PIK3C2G: variants seen among roughly 807,000 people sequenced by gnomAD.
PIK3C2G encodes phosphatidylinositol 3-kinase C2 domain-containing subunit gamma.
PIK3C2G carries 168 observed loss-of-function variants against 181.1 expected under a neutral mutation model. The ratio of observed to expected loss-of-function variants is 0.93; its 90% CI spans 0.82 to 1.05. The LOEUF is 1.05. Ranked by LOEUF, PIK3C2G falls within the 50% of genes least tolerant of loss-of-function variation. The pLI is 0.00. For synonymous variants in PIK3C2G, 573 were observed against 592.2 expected, an observed-to-expected ratio of 0.97 and a Z score of 0.47; for missense variants, 1,869 against 1,732.8, an observed-to-expected ratio of 1.08 and a Z score of -1.40.
intron 24 of PIK3C2G, among the ~76,000 whole-genome samples, chr12:18,530,175 G>A (rs1943472065): frequency 6.6e-6 from 1 of 152,032 alleles, no homozygotes; most frequent in Non-Finnish European, 1.5e-5. Context: ...ACTTTCTTGA[G>A]AAAAATAAAA....
chr12:18,288,816 T>G (rs890442782), intron 3 of PIK3C2G, among the ~76,000 whole-genome samples: 1 of 152,212 alleles, frequency 6.6e-6, no homozygotes, highest in African/African-American at 2.4e-5. Context: ...AAAACACAAT[T>G]TCTTATTCTT....
intron 30 of PIK3C2G, among the ~76,000 whole-genome samples, chr12:18,605,696 A>G (rs1444653790): frequency 2.0e-5 from 3 of 152,124 alleles, no homozygotes; most frequent in East Asian, 3.9e-4. Flanking sequence ...TGAATCCCTC[A>G]GACTAACTTG....
At chr12:18,525,616 C>A (rs1038611008) in intron 24 of PIK3C2G, among the ~76,000 whole-genome samples, 9 of 152,014 alleles carry the variant, frequency 5.9e-5, no homozygotes, top group African/African-American at 2.2e-4. Context: ...ATTGTGTGTC[C>A]TTCTTCTCAA....
At chr12:18,440,670 T>G (rs1946698589) in intron 18 of PIK3C2G, among the ~76,000 whole-genome samples, 1 of 152,032 alleles carries the variant, frequency 6.6e-6, no homozygotes, top group South Asian at 2.1e-4. Context: ...GGTGGCTGGG[T>G]TAACTTGAAT....
intron 25 of PIK3C2G, among the ~76,000 whole-genome samples, chr12:18,539,684 C>T (rs375350532): frequency 6.8e-4 from 103 of 151,960 alleles, no homozygotes; most frequent in African/African-American, 2.4e-3. Flanking sequence ...CAAATGTTGA[C>T]TTTGTTGCAA....
At chr12:18,695,898 CAT>C in the PIK3C2G span, among the ~76,000 whole-genome samples, 26 of 151,970 alleles carry the variant, frequency 1.7e-4, no homozygotes, top group African/African-American at 3.9e-4. Context: ...CTCCACTACA[CAT>C]GTCTCATATT....
chr12:18,286,905 C>T lies in PIK3C2G; in HGVS notation c.737C>T (p.Ala246Val). Residue 246 changes from alanine (A) to valine (V), a missense_variant, in exon 3 of 33, where the codon GCC becomes GTC. Transcript: ENST00000538779. ...CCTCAAAGCAGCAATACGAGTCTGG[C>T]CTCTTTTTGCAACAAAGTAAAAAAG... ...EVPQSSNTSLASFCNKVKKIR... is the reference protein window; with the variant it reads ...EVPQSSNTSLVSFCNKVKKIR... The T allele has an allele frequency of 6.4e-7, 1 of 1,567,876 alleles. No homozygotes were observed.
intron 1 of PIK3C2G, among the ~76,000 whole-genome samples, chr12:18,272,975 T>C (rs1948805955): frequency 7.0e-6 from 1 of 143,170 alleles, no homozygotes; most frequent in Non-Finnish European, 1.6e-5. Flanking sequence ...AATGAAGTTA[T>C]AAGAAATGAC....
chr12:18,300,214 C>A (rs1350961493), intron 5 of PIK3C2G, among the ~76,000 whole-genome samples: 1 of 151,848 alleles, frequency 6.6e-6, no homozygotes, highest in Non-Finnish European at 1.5e-5. Context: ...TTATTTATTA[C>A]TCATTATTGG....
At chr12:18,602,699 C>A (rs1947800554) in intron 30 of PIK3C2G, among the ~76,000 whole-genome samples, 1 of 152,110 alleles carries the variant, frequency 6.6e-6, no homozygotes, top group African/African-American at 2.4e-5. Context: ...CATCACAGGA[C>A]TCTGTGCAGA....
rs781629859 is a variant in PIK3C2G, at chr12:18,648,036, T to C, written c.*8T>C. ...GGAAACAGTATAATTTGACCATTGC[T>C]ATGAACATATGCATTATTCATTAAC... On this transcript the variant is annotated 3_prime_UTR_variant, in exon 33 of 33. Transcript: ENST00000538779. 4.5e-6 allele frequency: 7 copies of C among 1,558,988 alleles called. No individual in the cohort carries two copies. The highest frequency in any genetic ancestry group is 6.1e-6 in the Non-Finnish European group (7 of 1,145,650).
the PIK3C2G span, among the ~76,000 whole-genome samples, chr12:18,713,499 A>G: frequency 6.6e-6 from 1 of 152,204 alleles, no homozygotes; most frequent in Non-Finnish European, 1.5e-5. Flanking sequence ...GAAAAGATAA[A>G]GCATGACAAT....
At chr12:18,433,702 C>T (rs1435572904) in intron 18 of PIK3C2G, among the ~76,000 whole-genome samples, 2 of 152,150 alleles carry the variant, frequency 1.3e-5, no homozygotes, top group Admixed American at 1.3e-4. Context: ...AAACACTGTT[C>T]AATTAAGCAA....
At chr12:18,445,465 A>G (rs1946973613) in intron 18 of PIK3C2G, among the ~76,000 whole-genome samples, 2 of 152,100 alleles carry the variant, frequency 1.3e-5, no homozygotes, top group Admixed American at 1.3e-4. Flanking sequence ...AATGTGGGGA[A>G]ACAGAATCGC....
intron 30 of PIK3C2G, among the ~76,000 whole-genome samples, chr12:18,604,284 TAA>T (rs1947893345): frequency 1.3e-5 from 2 of 152,192 alleles, no homozygotes; most frequent in Admixed American, 1.3e-4. Context: ...CAACCACAGT[TAA>T]AAGAGACAAA....
the PIK3C2G span, among the ~76,000 whole-genome samples, chr12:18,662,296 G>A: frequency 8.6e-6 from 1 of 116,388 alleles, no homozygotes; most frequent in Non-Finnish European, 2.0e-5. Context: ...ACCTGAACAT[G>A]TACCTCTAAA....
chr12:18,663,474 A>G, the PIK3C2G span, among the ~76,000 whole-genome samples: 1 of 152,272 alleles, frequency 6.6e-6, no homozygotes, highest in South Asian at 2.1e-4. Flanking sequence ...TGCATAGGTT[A>G]TATGCAAATA....
intron 1 of PIK3C2G, among the ~76,000 whole-genome samples, chr12:18,253,618 G>T (rs1948116018): frequency 6.6e-6 from 1 of 152,180 alleles, no homozygotes; most frequent in Non-Finnish European, 1.5e-5. Flanking sequence ...AACCTTAAAA[G>T]GTAAAAATAG....
At chr12:18,316,721 C>T (rs1294011079) in intron 6 of PIK3C2G, among the ~76,000 whole-genome samples, 2 of 151,860 alleles carry the variant, frequency 1.3e-5, no homozygotes, top group Non-Finnish European at 2.9e-5. Context: ...CAGAGCGAGA[C>T]TCTGTCTCAA....
Sources: allele counts gnomAD v4.1 joint callset (sites outside exome capture counted in the v4.1 genomes callset), GRCh38; gene constraint gnomAD v4.1.1; transcripts MANE v1.5; gene names NCBI Gene and HGNC (gene_info 2026-07-23, HGNC 2026-07-21).